MS4A18: variants seen among roughly 807,000 people sequenced by gnomAD.
MS4A18 encodes membrane-spanning 4-domains subfamily A member 18.
MS4A18 carries 27 observed loss-of-function variants against 13.1 expected under a neutral mutation model. The observed-to-expected ratio is 2.06, with a 90% confidence interval of 1.52 to 2.84. MS4A18 has a LOEUF of 2.84. Among genes scored for constraint, MS4A18 ranks in the 30% most tolerant of loss-of-function variants. The pLI is 0.00. For missense variants in MS4A18, 307 were observed against 196.4 expected, an observed-to-expected ratio of 1.56 and a Z score of -3.37; for synonymous variants, 126 against 76.5, an observed-to-expected ratio of 1.65 and a Z score of -3.38.
intron 4 of MS4A18, among the ~76,000 whole-genome samples, chr11:60,739,815 G>A (rs1461886165): frequency 1.3e-5 from 2 of 152,224 alleles, no homozygotes; most frequent in Non-Finnish European, 2.9e-5. Flanking sequence ...CATTGACACA[G>A]TACTTGAGGA....
intron 4 of MS4A18, among the ~76,000 whole-genome samples, chr11:60,739,369 C>T (rs575906728): frequency 9.9e-5 from 15 of 152,218 alleles, no homozygotes; most frequent in Non-Finnish European, 1.3e-4. Context: ...ACAGGAGGTG[C>T]GGATGCTAGT....
At chr11:60,731,093 T>TA (rs1240218196) in intron 1 of MS4A18, among the ~76,000 whole-genome samples, 1 of 151,788 alleles carries the variant, frequency 6.6e-6, no homozygotes, top group East Asian at 1.9e-4. Context: ...GACTCAGTCT[T>TA]TAAAAAAAAA....
At chr11:60,733,490 G>T in intron 1 of MS4A18, 44 bp from the exon 3 acceptor site, 1 of 703,008 alleles carries the variant, frequency 1.4e-6, no homozygotes, top group South Asian at 1.5e-5. Context: ...ACAGCCCACA[G>T]GCCCGCAGTT....
chr11:60,732,847 T>C (rs1853277414), intron 1 of MS4A18, among the ~76,000 whole-genome samples: 1 of 151,500 alleles, frequency 6.6e-6, no homozygotes, highest in South Asian at 2.1e-4. Flanking sequence ...GTTACCCCCA[T>C]CTTGCAAATA....
intron 2 of MS4A18, 95 bp downstream of exon 3, chr11:60,733,742 A>G: frequency 1.4e-6 from 1 of 697,090 alleles, no homozygotes; most frequent in Non-Finnish European, 2.6e-6. Flanking sequence ...ATTCCCAGTA[A>G]TATGACTCTG....
chr11:60,735,823 C>T (rs1271981739), intron 2 of MS4A18, among the ~76,000 whole-genome samples: 1 of 151,312 alleles, frequency 6.6e-6, no homozygotes, highest in Admixed American at 6.6e-5. Flanking sequence ...ACCACCACTC[C>T]CAGCTAATTT....
At chr11:60,744,294 A>T, downstream of MS4A18, 1 of 326,648 alleles carries the variant, frequency 3.1e-6, no homozygotes, top group Non-Finnish European at 5.7e-6. Context: ...CTGTTGAAAA[A>T]CCGGTTCTAA....
Position 60,734,260 on chromosome 11 carries a change from G to GA in MS4A18, c.591+622dup, listed in dbSNP as rs528409560. Among the ~76,000 whole-genome samples, 30 of 150,016 alleles carry GA rather than the reference G, an allele frequency of 2.0e-4. 1 individual carries two copies. The South Asian group carries it at 5.7e-3, about 28-fold the overall frequency. ...AACAGAGTGAGAGCCTGTCTCAAAG[G>GA]AAAAAAAAAGAAATATCTCATATGT... On this transcript the variant is annotated intron_variant, in intron 2 of 5. Coordinates refer to ENST00000529108, the Ensembl canonical transcript of MS4A18.
At chr11:60,727,512 C>G (rs1219998108), upstream of MS4A18, among the ~76,000 whole-genome samples, 3 of 152,176 alleles carry the variant, frequency 2.0e-5, no homozygotes, top group Non-Finnish European at 4.4e-5. Context: ...CATCAGCTAG[C>G]ACCAAACTCA....
chr11:60,725,137 T>C (rs1319294612), upstream of MS4A18, among the ~76,000 whole-genome samples: 1 of 151,436 alleles, frequency 6.6e-6, no homozygotes, highest in Non-Finnish European at 1.5e-5. Context: ...TGATCAGGTC[T>C]ACTTAGGACC....
exon 5 of MS4A18, chr11:60,741,044 G>A (rs574857837): frequency 1.7e-4 from 118 of 703,012 alleles, no homozygotes; most frequent in African/African-American, 4.0e-4. Context: ...ATTCAAAGGC[G>A]GTTTCTGGCG....
At chr11:60,738,822 G>A (rs1165727368) in intron 3 of MS4A18, 80 bp from the exon 5 acceptor site, 10 of 662,642 alleles carry the variant, frequency 1.5e-5, no homozygotes, top group South Asian at 5.0e-5. Context: ...TCTCTTCTCC[G>A]ACTTCCCAAG....
chr11:60,730,473 A>C (rs1853237593), intron 1 of MS4A18, among the ~76,000 whole-genome samples: 2 of 152,254 alleles, frequency 1.3e-5, no homozygotes, highest in African/African-American at 4.8e-5. Flanking sequence ...CTGGAGACTC[A>C]GAGATAACCA....
At chr11:60,741,176 C>A in intron 5 of MS4A18, 33 bp downstream of exon 6, 1 of 702,956 alleles carries the variant, frequency 1.4e-6, no homozygotes, top group South Asian at 1.5e-5. Context: ...GGAATCAGAT[C>A]ATGCTCTGGA....
intron 2 of MS4A18, among the ~76,000 whole-genome samples, 161 bp from the exon 4 acceptor site, chr11:60,736,817 G>A (rs1022305387): frequency 1.3e-5 from 2 of 152,166 alleles, no homozygotes; most frequent in Admixed American, 6.5e-5. Flanking sequence ...CTAACCATTG[G>A]GATAGTAAAA....
exon 1 of MS4A18, chr11:60,729,604 G>T (rs1307180199): frequency 1.4e-6 from 1 of 702,762 alleles, no homozygotes; most frequent in Non-Finnish European, 2.6e-6. Context: ...GGTGCCTGGA[G>T]TGATCCAATA....
intron 2 of MS4A18, among the ~76,000 whole-genome samples, chr11:60,734,476 C>T (rs1853306551): frequency 6.6e-6 from 1 of 152,182 alleles, no homozygotes; most frequent in African/African-American, 2.4e-5. Flanking sequence ...CCCTTCCCTG[C>T]AGTGCTGCCA....
chr11:60,730,875 A>G (rs1194131152), intron 1 of MS4A18, among the ~76,000 whole-genome samples: 1 of 152,228 alleles, frequency 6.6e-6, no homozygotes, highest in African/African-American at 2.4e-5. Context: ...CAGGCAGATT[A>G]CAAGGTCAGG....
chr11:60,735,588 C>T (rs1011937318), intron 2 of MS4A18, among the ~76,000 whole-genome samples: 1 of 148,686 alleles, frequency 6.7e-6, no homozygotes, highest in African/African-American at 2.5e-5. Flanking sequence ...CCACCCGCCT[C>T]GGCCTCCCAA....
Sources: gnomAD v4.1 joint callset for allele counts (sites outside exome capture counted in the v4.1 genomes callset) on GRCh38, gnomAD v4.1.1 for gene constraint, MANE v1.5 for transcripts, NCBI Gene and HGNC (gene_info 2026-07-23, HGNC 2026-07-21) for gene names.